ABCC10: variants seen among roughly 807,000 people sequenced by gnomAD.
ABCC10 encodes the protein ATP binding cassette subfamily C member 10.
A neutral mutation model predicts 143.2 loss-of-function variants in ABCC10; 110 were observed. The ratio of observed to expected loss-of-function variants is 0.77; its 90% CI spans 0.66 to 0.90. The LOEUF is 0.90. ABCC10 is among the 40% of genes least tolerant of loss of function. The pLI is 0.00. For missense variants in ABCC10, 1,700 were observed against 1,900.5 expected, an observed-to-expected ratio of 0.89 and a Z score of 1.96; for synonymous variants, 805 against 846.7, an observed-to-expected ratio of 0.95 and a Z score of 0.85.
chr6:43,447,138 G>A lies in ABCC10; in HGVS notation c.3545-110G>A, dbSNP rs568899141. On this transcript the variant is annotated intron_variant, in intron 16 of 21. Transcript: ENST00000372530. ...TGGAATTACAGGCGTGAGCCACCGC[G>A]CCCAGCCTCTGTTGCTTCCTTTAAA... 34 of 1,383,984 alleles carry A rather than the reference G, an allele frequency of 2.5e-5. No homozygotes were observed. In the African/African-American group the frequency reaches 3.7e-4, roughly 15 times the overall value. The allele number at this position is 1,383,984 out of a possible 1,614,324, so 85.7% of individuals were successfully genotyped here. A position where few individuals can be genotyped will look rare whatever the true frequency, so the allele number is the denominator to read the frequency against.
intron 13 of ABCC10, 82 bp from the exon 14 acceptor site, chr6:43,445,043 G>A: frequency 6.3e-7 from 1 of 1,587,152 alleles, no homozygotes; most frequent in East Asian, 2.2e-5. Flanking sequence ...TCTGGAGGGT[G>A]GGAGAGATGG....
intron 6 of ABCC10, among the ~76,000 whole-genome samples, chr6:43,436,471 A>C (rs775091369): frequency 1.3e-5 from 2 of 152,148 alleles, no homozygotes; most frequent in Non-Finnish European, 2.9e-5. Flanking sequence ...GGCAGCTTGT[A>C]TCCATCCAGT....
At chr6:43,439,040 G>A (rs1471874962) in intron 8 of ABCC10, among the ~76,000 whole-genome samples, 2 of 152,162 alleles carry the variant, frequency 1.3e-5, no homozygotes, top group Non-Finnish European at 2.9e-5. Context: ...GAGCTAGGGA[G>A]GGTTCCACCT....
chr6:43,450,476 C>T (rs571504070), downstream of ABCC10: 104 of 1,499,470 alleles, frequency 6.9e-5, no homozygotes, highest in East Asian at 1.0e-3. The surrounding 1 kb of genome is among the most constrained non-coding windows in gnomAD (Gnocchi z 4.5). Flanking sequence ...GTGGTGAGAA[C>T]GGACCACTCC....
At chr6:43,441,016 T>C (rs1045158691) in intron 8 of ABCC10, among the ~76,000 whole-genome samples, 2 of 151,680 alleles carry the variant, frequency 1.3e-5, no homozygotes, top group Non-Finnish European at 2.9e-5. Context: ...GGCAGGAGAA[T>C]TGCATGAACC....
downstream of ABCC10, among the ~76,000 whole-genome samples, chr6:43,451,543 C>G (rs931690520): frequency 6.6e-6 from 1 of 152,190 alleles, no homozygotes; most frequent in Admixed American, 6.5e-5. This position sits in a 1 kb window ranked among gnomAD's most constrained non-coding sequence, Gnocchi z 4.4. Flanking sequence ...CTCACAGGCT[C>G]CTGGGCCTGA....
chr6:43,448,905 G>A lies in ABCC10; in HGVS notation c.3984G>A (p.Gln1328=). The change falls in exon 19 of 22, where the codon CAG becomes CAA. Residue 1328 remains glutamine, a synonymous_variant. Transcript: ENST00000372530. ...QLRSQLAIIP[Q]EPFLFSGTVR... ...GATCCCAGTTGGCTATCATCCCCCAGGAGCCCTTTTTGTTCAGTGGGACTG... is the reference window on the plus strand; with the variant it reads ...GATCCCAGTTGGCTATCATCCCCCAAGAGCCCTTTTTGTTCAGTGGGACTG... The A allele has an allele frequency of 2.5e-6, 4 of 1,614,014 alleles. No individual in the cohort carries two copies. In the Middle Eastern group the frequency reaches 6.6e-4, roughly 266 times the overall value.
In ABCC10 at chr6:43,445,333, G is replaced by A. The variant is rs765159625; in HGVS notation, c.3030+19G>A. The A allele has an allele frequency of 5.6e-6, 9 of 1,604,638 alleles. No individual in the cohort carries two copies. In the East Asian group the frequency reaches 1.1e-4, roughly 20 times the overall value. The stretch of plus-strand genomic sequence containing the variant: ...CCTTATGGTGAGGGGCTGGGACCTC[G>A]GGGGTAGGGGAGTGCAGTCCTAGCC... On this transcript the variant is annotated intron_variant, in intron 14 of 21. Transcript: ENST00000372530.
At position 43,434,570 on chromosome 6, in the gene ABCC10, C is replaced by T. The variant is rs778382943; in HGVS notation, c.1381-51C>T. On this transcript the variant is annotated intron_variant, in intron 3 of 21. Coordinates refer to ENST00000372530, the MANE Select transcript of ABCC10 (RefSeq NM_001198934.2). Reference sequence around the variant, plus strand: ...CCTGGGGAAGGCTTGGCAGGGAAGACACATGAGCAGTGCCTCCACTTCACG... The same window carrying T: ...CCTGGGGAAGGCTTGGCAGGGAAGATACATGAGCAGTGCCTCCACTTCACG... 2.0e-6 allele frequency: 3 copies of T among 1,537,076 alleles called. No individual in the cohort carries two copies. The South Asian group carries it at 3.6e-5, about 18-fold the overall frequency.
Position 43,436,756 on chromosome 6 carries a change from A to G in ABCC10, c.1875+509A>G, listed in dbSNP as rs377517291. On this transcript the variant is annotated intron_variant, in intron 6 of 21. Coordinates refer to ENST00000372530, the MANE Select transcript of ABCC10 (RefSeq NM_001198934.2). ...TGTTCACCTCCTGTTCTGAGTTTTC[A>G]CTCTCTCCTGACCTTTGTCCAACCC... Among the ~76,000 whole-genome samples, 5 of 151,944 alleles carry G rather than the reference A, an allele frequency of 3.3e-5. No homozygotes were observed. The East Asian group carries it at 5.8e-4, about 18-fold the overall frequency.
At position 43,450,010 on chromosome 6, in the gene ABCC10, G is replaced by A; in HGVS notation, c.4398G>A (p.Leu1466=). 4 of 1,613,600 alleles carry A rather than the reference G, an allele frequency of 2.5e-6. No homozygotes were observed. Among genetic ancestry groups the A allele is most frequent in the East Asian group, 2.2e-5 (1 of 44,858 alleles). ...RVVELDSPAT[L]RNQPHSLFQQ... ...TAGAGCTGGACTCCCCGGCCACCCT[G>A]CGCAACCAGCCCCACTCCCTGTTCC... Residue 1466 remains leucine, a synonymous_variant, in exon 22 of 22, where the codon CTG becomes CTA. Coordinates refer to ENST00000372530, the MANE Select transcript of ABCC10 (RefSeq NM_001198934.2). This position sits in a 1 kb window ranked among gnomAD's most constrained non-coding sequence, Gnocchi z 4.5.
intron 4 of ABCC10, among the ~76,000 whole-genome samples, chr6:43,435,364 C>A (rs933351650): frequency 6.6e-6 from 1 of 152,116 alleles, no homozygotes; most frequent in Admixed American, 6.6e-5. Flanking sequence ...GAAACCTTGT[C>A]TCTACTAAAA....
intron 2 of ABCC10, among the ~76,000 whole-genome samples, chr6:43,428,620 A>G (rs1780754117): frequency 6.6e-6 from 1 of 152,216 alleles, no homozygotes; most frequent in South Asian, 2.1e-4. Context: ...CAGTAGATAG[A>G]CAAGAAGAGC....
intron 2 of ABCC10, among the ~76,000 whole-genome samples, chr6:43,429,919 G>A (rs1480700472): frequency 6.6e-6 from 1 of 152,122 alleles, no homozygotes; most frequent in Non-Finnish European, 1.5e-5. Flanking sequence ...CAGCCTGGAC[G>A]ACAAAGCGAG....
intron 3 of ABCC10, among the ~76,000 whole-genome samples, chr6:43,434,133 G>A (rs1781428524): frequency 6.6e-6 from 1 of 152,252 alleles, no homozygotes; most frequent in Admixed American, 6.5e-5. Flanking sequence ...CCATTAGCCT[G>A]TTTGACCCTG....
At chr6:43,436,782 T>C (rs917342011) in intron 6 of ABCC10, among the ~76,000 whole-genome samples, 10 of 152,246 alleles carry the variant, frequency 6.6e-5, no homozygotes, top group South Asian at 2.1e-4. Flanking sequence ...TGTCCAACCC[T>C]GTGCCCCACA....
In ABCC10 at chr6:43,442,007, C is replaced by T. The variant is rs761343883; in HGVS notation, c.2226+47C>T. 3 of 1,553,616 alleles carry T rather than the reference C, an allele frequency of 1.9e-6. No individual in the cohort carries two copies. In the South Asian group the frequency reaches 3.4e-5, roughly 17 times the overall value. On this transcript the variant is annotated intron_variant, in intron 9 of 21. Coordinates refer to ENST00000372530, the MANE Select transcript of ABCC10 (RefSeq NM_001198934.2). ...CAGTGGCAGGGAGGTGGGGGGAGTC[C>T]AGAGCCTTGGGAACTTGGCTGAGTT...
chr6:43,430,361 G>T (rs1780996489), intron 2 of ABCC10, among the ~76,000 whole-genome samples: 1 of 152,122 alleles, frequency 6.6e-6, no homozygotes, highest in African/African-American at 2.4e-5. Context: ...AAAGTGCTGG[G>T]ATTACAGGCT....
rs199615487 is a variant in ABCC10, at chr6:43,444,168, A to G, written c.2504A>G (p.Gln835Arg). The G allele has an allele frequency of 3.3e-5, 53 of 1,613,136 alleles. No homozygotes were observed. The highest frequency in any genetic ancestry group is 4.2e-5 in the Non-Finnish European group (50 of 1,179,466). Residue 835 changes from glutamine (Q) to arginine (R), a missense_variant, in exon 12 of 22, where the codon CAG (glutamine) becomes CGG (arginine). Physicochemically the swap from Gln to Arg is conservative, Grantham distance 43 (BLOSUM62 1). Coordinates refer to ENST00000372530, the MANE Select transcript of ABCC10 (RefSeq NM_001198934.2). ...CCCCTGATTCTCACAGCCACAGCCCAGTCAGTACAGAACCCAGAGAAAACA... is the reference window on the plus strand; with the variant it reads ...CCCCTGATTCTCACAGCCACAGCCCGGTCAGTACAGAACCCAGAGAAAACA... Reference protein sequence around the residue: ...NGQESDSATAQSVQNPEKTKE... With the variant: ...NGQESDSATARSVQNPEKTKE...
Sources: allele counts gnomAD v4.1 joint callset (sites outside exome capture counted in the v4.1 genomes callset), GRCh38; gene constraint gnomAD v4.1.1; non-coding constraint Gnocchi (gnomAD v3.1); transcripts MANE v1.5; gene names NCBI Gene and HGNC (gene_info 2026-07-23, HGNC 2026-07-21).